The following CD2AP variants were observed in gnomAD, a reference collection of about 807,000 sequenced individuals.
The protein encoded by CD2AP is CD2 associated protein.
In CD2AP, 46 loss-of-function variants were observed where a neutral mutation model predicts 85.1. That is an observed-to-expected ratio of 0.54 (90% CI 0.43 to 0.69). CD2AP has a LOEUF of 0.69. Ranked by LOEUF, CD2AP falls within the 30% of genes least tolerant of loss-of-function variation. CD2AP has a pLI of 0.00. For synonymous variants in CD2AP, 255 were observed against 252.9 expected, an observed-to-expected ratio of 1.01 and a Z score of -0.08; for missense variants, 769 against 729.5, an observed-to-expected ratio of 1.05 and a Z score of -0.62.
chr6:47,486,492 T>C lies in CD2AP; in HGVS notation c.4+8244T>C, dbSNP rs139554230. 2.6e-5 allele frequency among the ~76,000 whole-genome samples: 4 copies of C among 152,310 alleles called. No individual in the cohort carries two copies. The East Asian group carries it at 7.7e-4, about 29-fold the overall frequency. On this transcript the variant is annotated intron_variant, in intron 1 of 17. Coordinates refer to ENST00000359314, the MANE Select transcript of CD2AP (RefSeq NM_012120.3). ...TGTAGTAGGAGAAGCATATGGAATA[T>C]TAGAATATAGATTCCTGCACTGAAG...
At chr6:47,579,868 T>C (rs1051466269) in intron 9 of CD2AP, 1 of 172,510 alleles carries the variant, frequency 5.8e-6, no homozygotes, top group African/African-American at 2.4e-5. Flanking sequence ...TGTTGGTGCA[T>C]TTTTTTGGGA....
At chr6:47,622,333 C>G (rs531638404) in intron 17 of CD2AP, among the ~76,000 whole-genome samples, 1 of 152,160 alleles carries the variant, frequency 6.6e-6, no homozygotes, top group African/African-American at 2.4e-5. Flanking sequence ...GATTTGCCGC[C>G]CTACCCAGAG....
At chr6:47,563,317 A>T (rs1257432161) in intron 5 of CD2AP, among the ~76,000 whole-genome samples, 1 of 152,220 alleles carries the variant, frequency 6.6e-6, no homozygotes, top group East Asian at 1.9e-4. Context: ...TTGGAGGAAG[A>T]TATTTCTAAA....
intron 5 of CD2AP, among the ~76,000 whole-genome samples, chr6:47,569,518 T>TA (rs952149997): frequency 2.0e-5 from 3 of 151,688 alleles, no homozygotes; most frequent in Admixed American, 1.3e-4. Flanking sequence ...TTGTGCCATT[T>TA]ATCCCTCTAG....
intron 1 of CD2AP, among the ~76,000 whole-genome samples, chr6:47,491,777 A>T (rs1765742555): frequency 6.6e-6 from 1 of 152,152 alleles, no homozygotes; most frequent in Non-Finnish European, 1.5e-5. Flanking sequence ...TAAGATTTTT[A>T]AGCTTGATCT....
chr6:47,582,354 A>G (rs912173345), intron 11 of CD2AP: 2 of 234,362 alleles, frequency 8.5e-6, no homozygotes, highest in African/African-American at 4.6e-5. Flanking sequence ...TTATTTTTAT[A>G]GTGTTTCAGT....
At chr6:47,512,967 A>T (rs1040646792) in intron 2 of CD2AP, among the ~76,000 whole-genome samples, 1 of 152,208 alleles carries the variant, frequency 6.6e-6, no homozygotes, top group Admixed American at 6.5e-5. Flanking sequence ...ATCTGTTACA[A>T]ATGGGTTTTA....
rs1769903754 is a variant in CD2AP at position 47,626,263 on chromosome 6, A to G, written c.*2036A>G. ...GTCAGAATAGAAAAGTAACTGAAAT[A>G]CTTTTACCTTTCTGTCCTTGATAAA... is the stretch of plus-strand genomic sequence containing the variant. On this transcript the variant is annotated 3_prime_UTR_variant, in exon 18 of 18. Transcript: ENST00000359314. 1 of 151,906 alleles carries G rather than the reference A, an allele frequency of 6.6e-6. No homozygotes were observed. Among genetic ancestry groups the G allele is most frequent in the Admixed American group, 6.6e-5 (1 of 15,246 alleles). The allele number at this position is 151,906 out of a possible 1,614,324, so 9.4% of individuals were successfully genotyped here. A position where few individuals can be genotyped will look rare whatever the true frequency, so the allele number is the denominator to read the frequency against.
chr6:47,599,279 G>A, intron 12 of CD2AP, 22 bp from the exon 13 acceptor site: 1 of 1,607,076 alleles, frequency 6.2e-7, no homozygotes, highest in Non-Finnish European at 8.5e-7. Flanking sequence ...AGTGATTTTT[G>A]CGTGTTTTTT....
At chr6:47,623,354 C>A (rs1393742190) in intron 17 of CD2AP, among the ~76,000 whole-genome samples, 2 of 152,052 alleles carry the variant, frequency 1.3e-5, no homozygotes, top group Non-Finnish European at 2.9e-5. Flanking sequence ...TTTCCTCATG[C>A]AGGGAAAGGT....
intron 3 of CD2AP, among the ~76,000 whole-genome samples, chr6:47,537,579 A>G (rs1767085875): frequency 6.6e-6 from 1 of 152,170 alleles, no homozygotes; most frequent in African/African-American, 2.4e-5. Flanking sequence ...TAATATACAT[A>G]TACTTTTTTA....
chr6:47,532,955 A>G (rs1489446155), intron 2 of CD2AP, among the ~76,000 whole-genome samples: 1 of 152,158 alleles, frequency 6.6e-6, no homozygotes, highest in African/African-American at 2.4e-5. Flanking sequence ...GTCTTATTTT[A>G]TAGCCATGAC....
chr6:47,607,945 A>T lies in CD2AP; in HGVS notation c.1549A>T (p.Lys517Ter), dbSNP rs1769318880. ...CATTTAGCCAACTCACAGCCCCGAAAAAATCTTGAAGTTACCAAAAGAAGA... is the reference window on the plus strand; with the variant it reads ...CATTTAGCCAACTCACAGCCCCGAATAAATCTTGAAGTTACCAAAAGAAGA... ...GGHSPTHSPE[K>*]ILKLPKEEDS... Residue 517 changes from lysine to a stop codon, truncating the protein, a stop_gained, in exon 15 of 18, where the codon AAA (lysine) becomes TAA (stop). Coordinates refer to ENST00000359314, the MANE Select transcript of CD2AP (RefSeq NM_012120.3). LOFTEE classifies it high-confidence loss of function. 6.2e-7 allele frequency: 1 copy of T among 1,612,476 alleles called. No individual in the cohort carries two copies. The highest frequency in any genetic ancestry group is 2.2e-5 in the East Asian group (1 of 44,808).
At chr6:47,554,087 A>AT (rs1375698231) in intron 4 of CD2AP, among the ~76,000 whole-genome samples, 3 of 151,348 alleles carry the variant, frequency 2.0e-5, no homozygotes, top group Non-Finnish European at 2.9e-5. Context: ...TAACTTTCGT[A>AT]TTTTTTTTAG....
Position 47,495,352 on chromosome 6 carries a change from A to G in CD2AP, c.5-7928A>G, listed in dbSNP as rs538083492. The stretch of plus-strand genomic sequence containing the variant: ...GTTGGAGTTACGTAAGCAAAGGAAC[A>G]CTAAAAATTGCTGGCAGCCACCAGA... On this transcript the variant is annotated intron_variant, in intron 1 of 17. Coordinates refer to ENST00000359314, the MANE Select transcript of CD2AP (RefSeq NM_012120.3). Among the ~76,000 whole-genome samples, 5 of 152,262 alleles carry G rather than the reference A, an allele frequency of 3.3e-5. No individual in the cohort carries two copies. The South Asian group carries it at 6.2e-4, about 19-fold the overall frequency.
chr6:47,579,894 G>A (rs1768424381), intron 9 of CD2AP: 1 of 167,380 alleles, frequency 6.0e-6, no homozygotes, highest in Non-Finnish European at 1.3e-5. Flanking sequence ...AGAGCACTCT[G>A]CCTCCTTACA....
chr6:47,546,994 G>A (rs147959117), intron 4 of CD2AP, among the ~76,000 whole-genome samples: 33 of 152,206 alleles, frequency 2.2e-4, no homozygotes, highest in Admixed American at 6.5e-4. Flanking sequence ...TCACTACTAC[G>A]AAGCCAGTAC....
At chr6:47,496,579 G>A (rs1489029746) in intron 1 of CD2AP, among the ~76,000 whole-genome samples, 1 of 152,058 alleles carries the variant, frequency 6.6e-6, no homozygotes, top group Non-Finnish European at 1.5e-5. Flanking sequence ...CTGTAATATT[G>A]AACAAACCAC....
chr6:47,481,220 G>A (rs1765433330), intron 1 of CD2AP, among the ~76,000 whole-genome samples: 1 of 152,192 alleles, frequency 6.6e-6, no homozygotes, highest in Non-Finnish European at 1.5e-5. Flanking sequence ...TTTATTTTTG[G>A]AAGAGTAAGC....
Sources: gnomAD v4.1 joint callset for allele counts (sites outside exome capture counted in the v4.1 genomes callset) on GRCh38, gnomAD v4.1.1 for gene constraint, MANE v1.5 for transcripts, NCBI Gene and HGNC (gene_info 2026-07-23, HGNC 2026-07-21) for gene names.